CRYBB2: variants seen among roughly 807,000 people sequenced by gnomAD.
CRYBB2 encodes the protein crystallin beta B2, also known as beta-crystallin B2.
A neutral mutation model predicts 24.3 loss-of-function variants in CRYBB2; 12 were observed. The observed-to-expected ratio is 0.49, with a 90% CI of 0.32 to 0.80. The LOEUF (loss-of-function observed/expected upper bound fraction) is 0.80. CRYBB2 is among the 30% of genes least tolerant of loss of function. The pLI is 0.04. For missense variants in CRYBB2, 198 were observed against 268.5 expected (o/e 0.74, Z 1.83); for synonymous variants, 98 against 101.6 (o/e 0.96, Z 0.21).
At chr22:25,212,021 C>T (rs1216188282), upstream of CRYBB2, among the ~76,000 whole-genome samples, 1 of 152,172 alleles carries the variant, frequency 6.6e-6, no homozygotes, top group Non-Finnish European at 1.5e-5. Context: ...ATAATGCTAC[C>T]TATCTCATAA....
chr22:25,213,047 A>G (rs996474177), intron 1 of CRYBB2, among the ~76,000 whole-genome samples: 1 of 152,248 alleles, frequency 6.6e-6, no homozygotes, highest in Non-Finnish European at 1.5e-5. Flanking sequence ...ACATATTTTT[A>G]TACATTCTAT....
At chr22:25,218,736 GGA>G (rs71191034), upstream of CRYBB2, among the ~76,000 whole-genome samples, 108 of 35,302 alleles carry the variant, frequency 3.1e-3, 3 homozygotes, top group Admixed American at 3.5e-3. Context: ...GAGAGAGAGG[GGA>G]GAGAGAGAGA....
chr22:25,218,753 G>A (rs1241101479), upstream of CRYBB2, among the ~76,000 whole-genome samples: 11 of 31,932 alleles, frequency 3.4e-4, no homozygotes, highest in South Asian at 5.6e-3. Flanking sequence ...GAGAGAGAGA[G>A]AGAGAGAGAG....
intron 4 of CRYBB2, among the ~76,000 whole-genome samples, chr22:25,228,982 G>T (rs8135808): frequency 6.7e-6 from 1 of 150,116 alleles, no homozygotes; most frequent in African/African-American, 2.5e-5. Context: ...GTGTGTGCAC[G>T]CATGTGTGGG....
At chr22:25,225,297 C>T (rs1935392490) in intron 3 of CRYBB2, among the ~76,000 whole-genome samples, 1 of 152,154 alleles carries the variant, frequency 6.6e-6, no homozygotes, top group African/African-American at 2.4e-5. Flanking sequence ...ATGAGGCTAA[C>T]CATGTACTCT....
upstream of CRYBB2, among the ~76,000 whole-genome samples, chr22:25,218,210 G>A (rs1163661943): frequency 6.6e-6 from 1 of 150,938 alleles, no homozygotes; most frequent in Non-Finnish European, 1.5e-5. Context: ...AGTGAGCTGA[G>A]ATCGTGCCAC....
In CRYBB2 at chr22:25,221,456, G is replaced by C. The variant is rs769253548; in HGVS notation, c.27G>C (p.Ala9=). 24 of 1,613,874 alleles carry C rather than the reference G, an allele frequency of 1.5e-5. No individual in the cohort carries two copies. The African/African-American group carries it at 1.9e-4, about 13-fold the overall frequency. The change falls in exon 2 of 6, where the codon GCG becomes GCC. Residue 9 remains alanine (A), a synonymous_variant. Coordinates refer to ENST00000398215, the MANE Select transcript of CRYBB2 (RefSeq NM_000496.3). MASDHQTQ[A]GKPQSLNPKI... ...TGGCCTCAGATCACCAGACCCAGGC[G>C]GGCAAGCCACAGTCCCTCAACCCCA...
chr22:25,217,819 T>G (rs1935195540), upstream of CRYBB2, among the ~76,000 whole-genome samples: 1 of 152,018 alleles, frequency 6.6e-6, no homozygotes, highest in Non-Finnish European at 1.5e-5. Flanking sequence ...GGGGCATGTG[T>G]GTGTAGTGTG....
chr22:25,212,873 TG>T (rs1935123160), intron 1 of CRYBB2: 1 of 152,190 alleles, frequency 6.6e-6, no homozygotes, highest in Non-Finnish European at 1.5e-5. Context: ...TTTACCATTT[TG>T]GAAGTTAATG....
chr22:25,230,974 T>TG (rs1222136800), intron 5 of CRYBB2, among the ~76,000 whole-genome samples: 1 of 152,008 alleles, frequency 6.6e-6, no homozygotes, highest in African/African-American at 2.4e-5. Context: ...CTGTGGTGTG[T>TG]GTGGGGGAGC....
chr22:25,212,424 G>T (rs1355426018), upstream of CRYBB2, among the ~76,000 whole-genome samples: 1 of 152,224 alleles, frequency 6.6e-6, no homozygotes, highest in Non-Finnish European at 1.5e-5. Flanking sequence ...ACTGGAGCCT[G>T]AGAGCTCCTG....
intron 2 of CRYBB2, 52 bp from the exon 3 acceptor site, chr22:25,224,866 T>A: frequency 1.0e-6 from 1 of 1,001,660 alleles, no homozygotes; most frequent in South Asian, 1.3e-5. Context: ...TACCACCCAG[T>A]TCTCACTCCT....
At chr22:25,212,557 C>T (rs928364062), upstream of CRYBB2, among the ~76,000 whole-genome samples, 6 of 152,192 alleles carry the variant, frequency 3.9e-5, no homozygotes, top group Non-Finnish European at 7.4e-5. Context: ...CTGTTGCTAG[C>T]TTCCTCTTTC....
At chr22:25,215,921 C>T (rs1601413997), upstream of CRYBB2, among the ~76,000 whole-genome samples, 1 of 152,200 alleles carries the variant, frequency 6.6e-6, no homozygotes, top group Non-Finnish European at 1.5e-5. Flanking sequence ...AGTCCTACTA[C>T]TCACTAGCTG....
chr22:25,217,663 G>T (rs1298875831), upstream of CRYBB2, among the ~76,000 whole-genome samples: 1 of 152,196 alleles, frequency 6.6e-6, no homozygotes, highest in Non-Finnish European at 1.5e-5. Context: ...CAGGCACTGG[G>T]CTCTGGAGAT....
chr22:25,227,291 G>T (rs1195006594), intron 3 of CRYBB2, among the ~76,000 whole-genome samples: 1 of 152,060 alleles, frequency 6.6e-6, no homozygotes, highest in Non-Finnish European at 1.5e-5. Context: ...AACAGAGTTT[G>T]GGCAGAGTCT....
At chr22:25,223,917 G>A (rs1271585170) in intron 2 of CRYBB2, among the ~76,000 whole-genome samples, 1 of 151,990 alleles carries the variant, frequency 6.6e-6, no homozygotes, top group African/African-American at 2.4e-5. Context: ...TCAGGAGATC[G>A]AGACCATCCT....
intron 5 of CRYBB2, among the ~76,000 whole-genome samples, chr22:25,229,872 G>A (rs1935500802): frequency 6.6e-6 from 1 of 151,914 alleles, no homozygotes; most frequent in African/African-American, 2.4e-5. Flanking sequence ...GCAAGTTGAG[G>A]CAGAGGGAGG....
At chr22:25,231,174 C>G (rs8138101) in intron 5 of CRYBB2, among the ~76,000 whole-genome samples, 10,507 of 152,184 alleles carry the variant, frequency 0.069, 773 homozygotes, top group African/African-American at 0.18. Context: ...GAAACTCTTT[C>G]ATCAGAAGGC....
Sources: gnomAD v4.1 joint callset for allele counts (sites outside exome capture counted in the v4.1 genomes callset) on GRCh38, gnomAD v4.1.1 for gene constraint, MANE v1.5 for transcripts, NCBI Gene and HGNC (gene_info 2026-07-23, HGNC 2026-07-21) for gene names.